The following RABGAP1 variants were observed in gnomAD, a reference collection of about 807,000 sequenced individuals.
RABGAP1 encodes rab GTPase-activating protein 1.
A neutral mutation model predicts 137.6 loss-of-function variants in RABGAP1; 23 were observed. The observed-to-expected ratio is 0.17, with a 90% CI of 0.12 to 0.24. The LOEUF is 0.24. RABGAP1 is among the 10% of genes least tolerant of loss of function. The pLI, the probability that RABGAP1 is intolerant of heterozygous loss-of-function variation, is 1.00. For synonymous variants in RABGAP1, 451 were observed against 450.7 expected (o/e 1.00, Z -0.01); for missense variants, 906 against 1,275.8 (o/e 0.71, Z 4.42).
intron 1 of RABGAP1, among the ~76,000 whole-genome samples, chr9:122,953,916 G>A (rs1329157963): frequency 6.6e-6 from 1 of 152,106 alleles, no homozygotes; most frequent in Non-Finnish European, 1.5e-5. Flanking sequence ...GGTGCTAGGG[G>A]TCCAACACTT....
rs912322683 is a variant in RABGAP1, at chr9:123,047,925, T to G, written c.1795-17423T>G. ...GCCATTTTACAGCTGCTGGGTTTTT[T>G]TTTTTTTTTTTTTTTTTTTTTTTTT... On this transcript the variant is annotated intron_variant, in intron 13 of 25. Coordinates refer to ENST00000373647, the MANE Select transcript of RABGAP1 (RefSeq NM_012197.4). Among the ~76,000 whole-genome samples the G allele has an allele frequency of 7.0e-5, 4 of 56,796 alleles. No homozygotes were observed. In the South Asian group the frequency reaches 1.5e-3, roughly 21 times the overall value. 37.3% of individuals were successfully genotyped at this position (56,796 alleles called of 152,430 possible).
rs1347836896 is a variant in RABGAP1 at position 122,965,804 on chromosome 9, G to A, written c.150+8595G>A. Among the ~76,000 whole-genome samples, 3 of 152,198 alleles carry A rather than the reference G, an allele frequency of 2.0e-5. No homozygotes were observed. The East Asian group carries it at 5.8e-4, about 29-fold the overall frequency. ...AATGAATGAATTGTGTGGTTTATGA[G>A]TTATATCTCAATAAGTCTTTTCTAA... On this transcript the variant is annotated intron_variant, in intron 2 of 25. Transcript: ENST00000373647.
chr9:123,089,212 G>T (rs1272452913), intron 19 of RABGAP1, among the ~76,000 whole-genome samples: 1 of 152,016 alleles, frequency 6.6e-6, no homozygotes, highest in African/African-American at 2.4e-5. Flanking sequence ...AAAGGGAGGG[G>T]ATAGAGAGGT....
chr9:123,070,254 ATCCTCCAGGG>A lies in RABGAP1; in HGVS notation c.1909-94_1909-85del. On this transcript the variant is annotated intron_variant, in intron 14 of 25. Transcript: ENST00000373647. The surrounding 1 kb of genome is among the most constrained non-coding windows in gnomAD (Gnocchi z 4.4). ...AAAATGCTGTCCCAGTGTGGGTAGCATCCTCCAGGGTTCTGTATTCAAGGTCCTATAGTGC... is the reference window on the plus strand; with the variant it reads ...AAAATGCTGTCCCAGTGTGGGTAGCATTCTGTATTCAAGGTCCTATAGTGC... 1 of 1,561,056 alleles carries A rather than the reference ATCCTCCAGGG, an allele frequency of 6.4e-7. No individual in the cohort carries two copies. The highest frequency in any genetic ancestry group is 1.2e-5 in the South Asian group (1 of 81,918).
rs1325967156 is a variant in RABGAP1, at chr9:123,104,507, G to C, written c.*1294G>C. On this transcript the variant is annotated 3_prime_UTR_variant, in exon 26 of 26. Coordinates refer to ENST00000373647, the MANE Select transcript of RABGAP1 (RefSeq NM_012197.4). ...GGTTTTGTCCTCTTTTCTGCGTTCAGTGTTGAGGCGGCTGCTTACAAGAGG... is the reference window on the plus strand; with the variant it reads ...GGTTTTGTCCTCTTTTCTGCGTTCACTGTTGAGGCGGCTGCTTACAAGAGG... 6.6e-6 allele frequency: 1 copy of C among 152,574 alleles called. No individual in the cohort carries two copies. Among genetic ancestry groups the C allele is most frequent in the Non-Finnish European group, 1.5e-5 (1 of 68,046 alleles). 9.5% of individuals were successfully genotyped at this position (152,574 alleles called of 1,614,324 possible). A position where few individuals can be genotyped will look rare whatever the true frequency, so the allele number is the denominator to read the frequency against.
rs1387116972 is a variant in RABGAP1, at chr9:123,034,552, A to G, written c.1794+14093A>G. 4 of 1,540,752 alleles carry G rather than the reference A, an allele frequency of 2.6e-6. No homozygotes were observed. The Admixed American group carries it at 5.4e-5, about 21-fold the overall frequency. On this transcript the variant is annotated intron_variant, in intron 13 of 25. Transcript: ENST00000373647. ...AAGCGGCAGCATGAAGTGACAGATC[A>G]CTCCTGAGCTCAAGATGAACTCCAC...
At chr9:123,016,824 G>A (rs1388456271) in intron 12 of RABGAP1, among the ~76,000 whole-genome samples, 1 of 152,154 alleles carries the variant, frequency 6.6e-6, no homozygotes, top group African/African-American at 2.4e-5. Flanking sequence ...CTGTGTCTCA[G>A]AATTTTAAAG....
chr9:122,984,478 C>T lies in RABGAP1; in HGVS notation c.151-7C>T. The T allele has an allele frequency of 6.2e-7, 1 of 1,610,948 alleles. No homozygotes were observed. Among genetic ancestry groups the T allele is most frequent in the Non-Finnish European group, 8.5e-7 (1 of 1,178,092 alleles). On this transcript the variant is annotated splice_polypyrimidine_tract_variant and splice_region_variant and intron_variant, in intron 2 of 25. Coordinates refer to ENST00000373647, the MANE Select transcript of RABGAP1 (RefSeq NM_012197.4). ...CTTTGCTGATTGCATGTATTTGTGA[C>T]CCTTAGATTGTAGGGAATGGAAGTG...
At chr9:122,969,119 TTTA>T (rs2131676451) in intron 2 of RABGAP1, among the ~76,000 whole-genome samples, 1 of 152,316 alleles carries the variant, frequency 6.6e-6, no homozygotes, top group African/African-American at 2.4e-5. Context: ...ATACCATATT[TTTA>T]TTGTACCTTT....
chr9:123,091,714 A>G (rs1021039590), intron 21 of RABGAP1, among the ~76,000 whole-genome samples: 2 of 152,062 alleles, frequency 1.3e-5, no homozygotes, highest in Non-Finnish European at 2.9e-5. Flanking sequence ...TTAACAGGGA[A>G]GGCTCCTCTT....
intron 24 of RABGAP1, among the ~76,000 whole-genome samples, chr9:123,100,061 C>A (rs145782004): frequency 3.9e-5 from 6 of 152,074 alleles, no homozygotes. Context: ...TGGGCTCAAG[C>A]GAAATCCCTC....
intron 1 of RABGAP1, among the ~76,000 whole-genome samples, chr9:122,949,333 C>G (rs922403687): frequency 1.3e-5 from 2 of 151,970 alleles, no homozygotes; most frequent in African/African-American, 4.8e-5. Flanking sequence ...GCCAACATGG[C>G]GAAACCCCGT....
chr9:122,957,586 T>C (rs1163105335), intron 2 of RABGAP1, among the ~76,000 whole-genome samples: 2 of 152,164 alleles, frequency 1.3e-5, no homozygotes, highest in African/African-American at 2.4e-5. Context: ...TTTAGGATTA[T>C]TGAAACAACT....
chr9:123,058,349 T>A (rs2033830743), intron 13 of RABGAP1, among the ~76,000 whole-genome samples: 2 of 152,190 alleles, frequency 1.3e-5, no homozygotes, highest in Admixed American at 1.3e-4. Flanking sequence ...TTCTAAAATC[T>A]ACACTCATTT....
At chr9:122,982,151 GTAT>G (rs1564376523) in intron 2 of RABGAP1, among the ~76,000 whole-genome samples, 3 of 151,954 alleles carry the variant, frequency 2.0e-5, no homozygotes, top group Admixed American at 6.6e-5. Flanking sequence ...GTTGAGTATT[GTAT>G]TTGATAAGAT....
chr9:123,021,528 C>T (rs2031640150), intron 13 of RABGAP1, among the ~76,000 whole-genome samples: 1 of 152,044 alleles, frequency 6.6e-6, no homozygotes, highest in African/African-American at 2.4e-5. Context: ...TCCATTTTGG[C>T]CAGACTGGTC....
At chr9:123,057,114 C>T (rs1363855813) in intron 13 of RABGAP1, among the ~76,000 whole-genome samples, 1 of 149,790 alleles carries the variant, frequency 6.7e-6, no homozygotes, top group Non-Finnish European at 1.5e-5. Context: ...GCTGACCCCC[C>T]CACCTCCCTC....
chr9:123,022,150 T>G (rs1031315350), intron 13 of RABGAP1, among the ~76,000 whole-genome samples: 5 of 152,218 alleles, frequency 3.3e-5, no homozygotes, highest in Admixed American at 1.3e-4. Flanking sequence ...TTGAAATGTT[T>G]GGTCAAAAAT....
chr9:123,044,928 T>C (rs2033140223), intron 13 of RABGAP1, among the ~76,000 whole-genome samples: 1 of 151,946 alleles, frequency 6.6e-6, no homozygotes, highest in Non-Finnish European at 1.5e-5. Flanking sequence ...ACCCAAAGGA[T>C]CAACAGACTA....
Sources: allele counts gnomAD v4.1 joint callset (sites outside exome capture counted in the v4.1 genomes callset), GRCh38; gene constraint gnomAD v4.1.1; non-coding constraint Gnocchi (gnomAD v3.1); transcripts MANE v1.5; gene names NCBI Gene and HGNC (gene_info 2026-07-23, HGNC 2026-07-21).